Variants in CIMAP3 observed in about 807,000 individuals in gnomAD.
CIMAP3 encodes ciliary microtubule associated protein 3, also known as ciliary microtubule-associated protein 3.
At chr1:111,344,020 T>C in the CIMAP3 span, among the ~76,000 whole-genome samples, 1 of 152,232 alleles carries the variant, frequency 6.6e-6, no homozygotes, top group Non-Finnish European at 1.5e-5. Flanking sequence ...TTAAAGTCCA[T>C]GTTTAATGAC....
chr1:111,325,036 A>C, the CIMAP3 span: 1 of 373,390 alleles, frequency 2.7e-6, no homozygotes, highest in East Asian at 1.6e-4. Flanking sequence ...TGTTCCACTC[A>C]CCAAATTATT....
the CIMAP3 span, among the ~76,000 whole-genome samples, chr1:111,344,849 T>C: frequency 6.6e-6 from 1 of 152,238 alleles, no homozygotes; most frequent in Non-Finnish European, 1.5e-5. Context: ...ATGAACTGTA[T>C]ATACAATGGT....
At chr1:111,342,659 A>G in the CIMAP3 span, among the ~76,000 whole-genome samples, 1 of 152,156 alleles carries the variant, frequency 6.6e-6, no homozygotes, top group Non-Finnish European at 1.5e-5. Context: ...GTTTTCAGGT[A>G]TATTTCTCCC....
chr1:111,347,899 T>A, the CIMAP3 span: 1 of 666,178 alleles, frequency 1.5e-6, no homozygotes, highest in Non-Finnish European at 2.6e-6. Context: ...AGTAGGCATT[T>A]AAGCAAAAGC....
chr1:111,329,801 G>A, the CIMAP3 span, among the ~76,000 whole-genome samples: 47,099 of 151,434 alleles, frequency 0.31, 7,821 homozygotes, highest in South Asian at 0.42. Flanking sequence ...TAATCAGCCC[G>A]CCTCAGCCTC....
At chr1:111,333,943 T>C in the CIMAP3 span, among the ~76,000 whole-genome samples, 1 of 152,236 alleles carries the variant, frequency 6.6e-6, no homozygotes, top group Non-Finnish European at 1.5e-5. Context: ...GCATATACAG[T>C]CCATCGTTGA....
chr1:111,351,463 T>TA, the CIMAP3 span: 2 of 648,720 alleles, frequency 3.1e-6, no homozygotes, highest in Non-Finnish European at 5.1e-6. Context: ...CAGGGGCTTA[T>TA]AGCTGCTGTA....
chr1:111,350,472 T>C, the CIMAP3 span, among the ~76,000 whole-genome samples: 6 of 152,238 alleles, frequency 3.9e-5, no homozygotes, highest in Admixed American at 6.5e-5. Context: ...TAAATAACTT[T>C]TGTGGTAGGT....
the CIMAP3 span, chr1:111,348,317 A>G: frequency 2.2e-6 from 1 of 461,058 alleles, no homozygotes. Flanking sequence ...CCTATATATT[A>G]CGTATCACTA....
At chr1:111,346,296 G>A in the CIMAP3 span, 1 of 206,124 alleles carries the variant, frequency 4.9e-6, no homozygotes. Flanking sequence ...CACCTTACTT[G>A]CTGGTGGCCC....
the CIMAP3 span, among the ~76,000 whole-genome samples, chr1:111,341,998 G>A: frequency 6.6e-6 from 1 of 151,588 alleles, no homozygotes; most frequent in East Asian, 1.9e-4. Context: ...GCATGGGGTA[G>A]AATCTCATTC....
At chr1:111,352,248 G>T in the CIMAP3 span, 1 of 152,634 alleles carries the variant, frequency 6.6e-6, no homozygotes, top group East Asian at 1.9e-4. Context: ...GGCACTAAAT[G>T]TGATTTAATC....
At chr1:111,333,623 C>A in the CIMAP3 span, among the ~76,000 whole-genome samples, 1 of 152,172 alleles carries the variant, frequency 6.6e-6, no homozygotes, top group African/African-American at 2.4e-5. Context: ...AATAGGAAGT[C>A]CCTCCTGACT....
the CIMAP3 span, among the ~76,000 whole-genome samples, chr1:111,340,151 G>A: frequency 7.9e-5 from 12 of 152,022 alleles, no homozygotes; most frequent in African/African-American, 2.4e-4. Context: ...CTGGCTAGCT[G>A]TATGTAAAAA....
At chr1:111,326,783 T>G in the CIMAP3 span, among the ~76,000 whole-genome samples, 1 of 152,328 alleles carries the variant, frequency 6.6e-6, no homozygotes, top group South Asian at 2.1e-4. Flanking sequence ...TAATAGCCAT[T>G]CTAATTGGGG....
At chr1:111,333,898 T>A in the CIMAP3 span, among the ~76,000 whole-genome samples, 1 of 152,194 alleles carries the variant, frequency 6.6e-6, no homozygotes, top group African/African-American at 2.4e-5. Context: ...AAGTAGGCAA[T>A]TCTGAGCTGG....
chr1:111,335,505 T>C, the CIMAP3 span, among the ~76,000 whole-genome samples: 72,472 of 152,092 alleles, frequency 0.48, 17,592 homozygotes, highest in South Asian at 0.54. Flanking sequence ...CCAAGTACTG[T>C]GCTTTTCCGA....
chr1:111,351,174 T>TC, the CIMAP3 span: 1 of 883,186 alleles, frequency 1.1e-6, no homozygotes, highest in Non-Finnish European at 1.6e-6. Flanking sequence ...CAGTTTTTTT[T>TC]TTTTTTTTTT....
chr1:111,347,186 C>T, the CIMAP3 span: 2 of 1,024,942 alleles, frequency 2.0e-6, no homozygotes, highest in South Asian at 1.9e-5. Context: ...GCGCTCTGTT[C>T]TTCTGCAAGC....
Sources: gnomAD v4.1 joint callset for allele counts (sites outside exome capture counted in the v4.1 genomes callset) on GRCh38, gnomAD v4.1.1 for gene constraint, MANE v1.5 for transcripts, NCBI Gene and HGNC (gene_info 2026-07-23, HGNC 2026-07-21) for gene names.